Variants in POU6F2 observed in about 807,000 individuals in gnomAD.
POU6F2 encodes POU class 6 homeobox 2.
POU6F2 carries 31 observed loss-of-function variants against 71.3 expected under a neutral mutation model. The ratio of observed to expected loss-of-function variants is 0.43; its 90% confidence interval spans 0.33 to 0.59. POU6F2 has a LOEUF of 0.59. Ranked by LOEUF, POU6F2 falls within the 20% of genes least tolerant of loss-of-function variation. The probability of loss-of-function intolerance (pLI) is 0.04; values close to 1 mark genes in which losing one functional copy is unlikely to be tolerated. For synonymous variants in POU6F2, 347 were observed against 355.7 expected, an observed-to-expected ratio of 0.98 and a Z score of 0.27; for missense variants, 783 against 856.8, an observed-to-expected ratio of 0.91 and a Z score of 1.07.
chr7:39,406,133 C>A (rs1787421356), intron 5 of POU6F2: 1 of 155,954 alleles, frequency 6.4e-6, no homozygotes, highest in Non-Finnish European at 1.4e-5. Flanking sequence ...AAAGAAACTG[C>A]AATTCACAAA....
At chr7:39,260,768 A>C (rs1467805476) in intron 4 of POU6F2, among the ~76,000 whole-genome samples, 1 of 151,848 alleles carries the variant, frequency 6.6e-6, no homozygotes, top group Non-Finnish European at 1.5e-5. Context: ...CACATACCAC[A>C]TATACCACAC....
intron 1 of POU6F2, among the ~76,000 whole-genome samples, chr7:38,993,648 A>ACACACATCAGGCAC (rs1788664218): frequency 7.2e-6 from 1 of 139,620 alleles, no homozygotes; most frequent in Non-Finnish European, 1.6e-5. Context: ...ACACACACAC[A>ACACACATCAGGCAC]TCAGTGGTTC....
intron 4 of POU6F2, among the ~76,000 whole-genome samples, chr7:39,324,291 T>G (rs1231678252): frequency 6.6e-6 from 1 of 152,198 alleles, no homozygotes; most frequent in Non-Finnish European, 1.5e-5. Flanking sequence ...TCCCGCTCTC[T>G]GAGAGTTGAC....
chr7:39,000,564 CA>C (rs367719621), intron 1 of POU6F2, among the ~76,000 whole-genome samples: 1,413 of 105,904 alleles, frequency 0.013, 15 homozygotes, highest in Middle Eastern at 0.059. Flanking sequence ...CACACACACA[CA>C]CCCTCCCAAC....
intron 2 of POU6F2, among the ~76,000 whole-genome samples, chr7:39,174,444 C>A (rs1002431530): frequency 2.0e-5 from 3 of 152,114 alleles, no homozygotes; most frequent in Admixed American, 1.3e-4. Context: ...TAGAGAACAG[C>A]CATCTATACC....
chr7:39,444,274 A>G (rs1172751034), intron 7 of POU6F2, among the ~76,000 whole-genome samples: 1 of 152,208 alleles, frequency 6.6e-6, no homozygotes, highest in African/African-American at 2.4e-5. Flanking sequence ...CAATACCAGA[A>G]AACAAATTCA....
intron 7 of POU6F2, among the ~76,000 whole-genome samples, chr7:39,450,588 A>T (rs573714510): frequency 6.6e-6 from 1 of 152,184 alleles, no homozygotes; most frequent in Non-Finnish European, 1.5e-5. Context: ...TTCTCAGAGC[A>T]ACAGTCCTTT....
intron 6 of POU6F2, among the ~76,000 whole-genome samples, chr7:39,415,009 CT>C (rs1460057922): frequency 7.2e-6 from 1 of 138,054 alleles, no homozygotes; most frequent in Non-Finnish European, 1.6e-5. Flanking sequence ...TTTTGTTTAT[CT>C]TTTTAAATTT....
At chr7:39,371,757 G>T (rs1053991116) in intron 5 of POU6F2, among the ~76,000 whole-genome samples, 1 of 152,166 alleles carries the variant, frequency 6.6e-6, no homozygotes, top group African/African-American at 2.4e-5. Flanking sequence ...TAGACAATTA[G>T]TTAATCAAAG....
chr7:39,452,125 T>A (rs147045938), intron 8 of POU6F2, among the ~76,000 whole-genome samples: 1 of 152,206 alleles, frequency 6.6e-6, no homozygotes, highest in East Asian at 1.9e-4. Context: ...TATTTGTAGG[T>A]GTCAGAGGAA....
At chr7:39,253,027 A>G (rs925722867) in intron 4 of POU6F2, among the ~76,000 whole-genome samples, 2 of 152,200 alleles carry the variant, frequency 1.3e-5, no homozygotes, top group Non-Finnish European at 2.9e-5. Flanking sequence ...AGCTTCAGAG[A>G]CACCTCTCAT....
At chr7:39,373,777 G>A (rs1459259633) in intron 5 of POU6F2, 1 of 305,298 alleles carries the variant, frequency 3.3e-6, no homozygotes, top group Admixed American at 4.0e-5. Context: ...TGTTGAGAGA[G>A]CAAAGGTATC....
intron 1 of POU6F2, among the ~76,000 whole-genome samples, chr7:39,031,178 C>A (rs1021827733): frequency 3.9e-5 from 6 of 151,948 alleles, no homozygotes; most frequent in African/African-American, 1.5e-4. Flanking sequence ...GGATTACAGG[C>A]GTGAGCCACC....
At chr7:39,198,071 G>C (rs1175884270) in intron 2 of POU6F2, among the ~76,000 whole-genome samples, 1 of 152,058 alleles carries the variant, frequency 6.6e-6, no homozygotes, top group Non-Finnish European at 1.5e-5. Context: ...CTTTTTTCCT[G>C]TCTCTCTGAG....
chr7:39,451,667 T>C lies in POU6F2; in HGVS notation c.1455T>C (p.Ser485=). ...CCTCTTCTTCCTCCTCATCCTCCTCTTCTTCAGCTTTGAGCGTGGGCCAGT... is the reference window on the plus strand; with the variant it reads ...CCTCTTCTTCCTCCTCATCCTCCTCCTCTTCAGCTTTGAGCGTGGGCCAGT... ...QASSSSSSSS[S]SSALSVGQLV... Residue 485 remains serine (S), a synonymous_variant, in exon 8 of 10, where the codon TCT becomes TCC. Coordinates refer to ENST00000518318, the MANE Select transcript of POU6F2 (RefSeq NM_001370959.1). The C allele has an allele frequency of 6.2e-7, 1 of 1,607,902 alleles. No individual in the cohort carries two copies. Among genetic ancestry groups the C allele is most frequent in the Non-Finnish European group, 8.5e-7 (1 of 1,177,068 alleles).
intron 5 of POU6F2, among the ~76,000 whole-genome samples, chr7:39,393,305 G>A (rs931966491): frequency 2.0e-5 from 3 of 152,094 alleles, no homozygotes; most frequent in African/African-American, 7.2e-5. Context: ...TAGACCATTT[G>A]TTTTTCCTAA....
At chr7:39,434,580 T>C (rs773768499) in intron 7 of POU6F2, among the ~76,000 whole-genome samples, 6 of 151,864 alleles carry the variant, frequency 4.0e-5, no homozygotes, top group Non-Finnish European at 7.4e-5. Flanking sequence ...ATGATGGTGA[T>C]GATTTAATCT....
intron 4 of POU6F2, among the ~76,000 whole-genome samples, chr7:39,219,441 G>A (rs889269058): frequency 1.3e-5 from 2 of 151,916 alleles, no homozygotes; most frequent in African/African-American, 4.8e-5. Context: ...TCTTTTTAAA[G>A]AACCTTTGGG....
intron 4 of POU6F2, among the ~76,000 whole-genome samples, chr7:39,248,555 TC>T (rs1783860103): frequency 6.6e-6 from 1 of 152,160 alleles, no homozygotes; most frequent in African/African-American, 2.4e-5. Flanking sequence ...GAATTCTTAA[TC>T]CCCAAAGGAT....
Sources: allele counts gnomAD v4.1 joint callset (sites outside exome capture counted in the v4.1 genomes callset), GRCh38; gene constraint gnomAD v4.1.1; transcripts MANE v1.5; gene names NCBI Gene and HGNC (gene_info 2026-07-23, HGNC 2026-07-21).